OPCML: variants seen among roughly 807,000 people sequenced by gnomAD.
The protein encoded by OPCML is opioid binding protein/cell adhesion molecule like, also known as opioid-binding protein/cell adhesion molecule.
OPCML carries 13 observed loss-of-function variants against 37.8 expected under a neutral mutation model. The observed-to-expected ratio is 0.34, with a 90% confidence interval of 0.22 to 0.55. The LOEUF (loss-of-function observed/expected upper bound fraction) is 0.55. Among genes scored for constraint, OPCML ranks in the 20% least tolerant of loss-of-function variants. The pLI is 0.91. For synonymous variants in OPCML, 176 were observed against 168.8 expected, an observed-to-expected ratio of 1.04 and a Z score of -0.33; for missense variants, 341 against 435.6, an observed-to-expected ratio of 0.78 and a Z score of 1.93.
At chr11:132,988,188 T>C (rs145922185) in intron 1 of OPCML, among the ~76,000 whole-genome samples, 2 of 152,196 alleles carry the variant, frequency 1.3e-5, no homozygotes, top group African/African-American at 2.4e-5. Context: ...AGTATTCCAG[T>C]AAGCAGCCAG....
intron 4 of OPCML, among the ~76,000 whole-genome samples, chr11:132,466,222 A>G (rs61426831): frequency 0.06 from 9,137 of 151,854 alleles, 826 homozygotes; most frequent in African/African-American, 0.2. Context: ...ACGGTGGCTC[A>G]CGCCTGTCAT....
chr11:132,442,620 C>T (rs2096039867), intron 4 of OPCML, among the ~76,000 whole-genome samples: 1 of 152,208 alleles, frequency 6.6e-6, no homozygotes, highest in South Asian at 2.1e-4. Flanking sequence ...ACCCAAATCT[C>T]ACCTTGAATT....
intron 1 of OPCML, chr11:133,005,270 A>C (rs1947087330): frequency 2.0e-6 from 2 of 985,336 alleles, no homozygotes; most frequent in African/African-American, 3.5e-5. Flanking sequence ...TGCATGAATG[A>C]ATCAATAGCC....
At chr11:133,198,052 G>A (rs371888705) in intron 1 of OPCML, among the ~76,000 whole-genome samples, 25 of 152,098 alleles carry the variant, frequency 1.6e-4, no homozygotes, top group African/African-American at 4.6e-4. Context: ...ACACTTCTAC[G>A]CTAGCAGAAA....
rs1942572649 is a variant in OPCML at position 132,866,683 on chromosome 11, C to T, written c.146+76243G>A. 1.3e-5 allele frequency among the ~76,000 whole-genome samples: 2 copies of T among 152,198 alleles called. 1 individual carries two copies. Among genetic ancestry groups the T allele is most frequent in the South Asian group, 4.1e-4 (2 of 4,832 alleles). Reference sequence around the variant, plus strand: ...TTAATAATGACGAATATTTGCATAACATTTTCGAATATACAGACAATTTTC... The same window carrying T: ...TTAATAATGACGAATATTTGCATAATATTTTCGAATATACAGACAATTTTC... On this transcript the variant is annotated intron_variant, in intron 2 of 7. Coordinates refer to ENST00000524381, the MANE Select transcript of OPCML (RefSeq NM_001012393.5).
At chr11:133,068,760 G>A (rs1193560051) in intron 1 of OPCML, among the ~76,000 whole-genome samples, 1 of 152,148 alleles carries the variant, frequency 6.6e-6, no homozygotes, top group East Asian at 1.9e-4. Context: ...TAGCACATCT[G>A]CTTGACATCT....
At chr11:133,420,309 C>G (rs1298432402) in intron 1 of OPCML, 2 of 985,300 alleles carry the variant, frequency 2.0e-6, no homozygotes, top group Non-Finnish European at 2.4e-6. Flanking sequence ...GCAAATTAAT[C>G]CTAGCCATGG....
At chr11:133,037,596 T>C (rs911044141) in intron 1 of OPCML, among the ~76,000 whole-genome samples, 1 of 152,174 alleles carries the variant, frequency 6.6e-6, no homozygotes, top group Non-Finnish European at 1.5e-5. Context: ...CGAGTGAAAT[T>C]TATACTTAGC....
chr11:133,145,867 G>A (rs960815663), intron 1 of OPCML, among the ~76,000 whole-genome samples: 7 of 152,112 alleles, frequency 4.6e-5, no homozygotes, highest in Non-Finnish European at 7.4e-5. Flanking sequence ...TCTGGAAGTT[G>A]GAACCATGAT....
chr11:132,847,483 A>G (rs1941599306), intron 2 of OPCML, among the ~76,000 whole-genome samples: 1 of 152,174 alleles, frequency 6.6e-6, no homozygotes, highest in Non-Finnish European at 1.5e-5. Flanking sequence ...TCTTCTTTAG[A>G]TTATAATAAA....
chr11:132,444,257 C>A (rs549066365), intron 4 of OPCML, among the ~76,000 whole-genome samples: 27 of 152,282 alleles, frequency 1.8e-4, no homozygotes, highest in African/African-American at 4.1e-4. Context: ...ATGGGGGAGG[C>A]AAAGAGTGGA....
Position 133,433,251 on chromosome 11 carries a change from C to CAAA in OPCML, c.61+99010_61+99012dup, listed in dbSNP as rs71477795. Among the ~76,000 whole-genome samples, 43 of 90,706 alleles carry CAAA rather than the reference C, an allele frequency of 4.7e-4. 2 individuals carry two copies. The highest frequency in any genetic ancestry group is 9.6e-4 in the African/African-American group (21 of 21,826). 59.5% of individuals were successfully genotyped at this position (90,706 alleles called of 152,430 possible). ...TGGGCGACAGAGCGAGACTCCGTCTCAAAAAAAAAAAAAAAAAAATATTAC... is the reference window on the plus strand; with the variant it reads ...TGGGCGACAGAGCGAGACTCCGTCTCAAAAAAAAAAAAAAAAAAAAAATATTAC... On this transcript the variant is annotated intron_variant, in intron 1 of 7. Coordinates refer to ENST00000524381, the MANE Select transcript of OPCML (RefSeq NM_001012393.5).
chr11:132,779,655 C>G (rs1351676801), intron 2 of OPCML, among the ~76,000 whole-genome samples: 1 of 152,084 alleles, frequency 6.6e-6, no homozygotes, highest in African/African-American at 2.4e-5. Flanking sequence ...ACTGCCCAGA[C>G]TCTCTGCATG....
intron 2 of OPCML, among the ~76,000 whole-genome samples, chr11:132,810,006 C>A (rs558182382): frequency 6.6e-6 from 1 of 152,054 alleles, no homozygotes. Flanking sequence ...CCCGCCACCA[C>A]GCCCGGCTAA....
chr11:133,064,036 C>G (rs1202704073), intron 1 of OPCML, among the ~76,000 whole-genome samples: 1 of 151,810 alleles, frequency 6.6e-6, no homozygotes, highest in Non-Finnish European at 1.5e-5. Context: ...TTCTTTCTTT[C>G]TTTAACCACA....
chr11:132,609,550 G>A (rs540586821), intron 3 of OPCML, among the ~76,000 whole-genome samples: 13 of 152,204 alleles, frequency 8.5e-5, no homozygotes, highest in East Asian at 1.9e-4. Context: ...GCCTTTGCAC[G>A]GAGTGCTGTA....
chr11:132,657,439 G>A (rs971860523), intron 2 of OPCML, 120 bp from the exon 3 acceptor site: 7 of 1,443,318 alleles, frequency 4.8e-6, no homozygotes, highest in African/African-American at 1.4e-5. Flanking sequence ...ACAAAACACA[G>A]TGCTAAAAGG....
intron 3 of OPCML, among the ~76,000 whole-genome samples, chr11:132,617,464 T>C (rs1177710674): frequency 6.6e-6 from 1 of 152,214 alleles, no homozygotes; most frequent in East Asian, 1.9e-4. Context: ...ACCTGGCCTA[T>C]GTCTAGTGTC....
intron 1 of OPCML, among the ~76,000 whole-genome samples, chr11:132,992,956 C>T (rs897327597): frequency 5.3e-5 from 8 of 152,174 alleles, no homozygotes; most frequent in African/African-American, 1.4e-4. Flanking sequence ...CCCACTCTTG[C>T]TCTTTCATCT....
Sources: gnomAD v4.1 joint callset for allele counts (sites outside exome capture counted in the v4.1 genomes callset) on GRCh38, gnomAD v4.1.1 for gene constraint, MANE v1.5 for transcripts, NCBI Gene and HGNC (gene_info 2026-07-23, HGNC 2026-07-21) for gene names.